CHD6: variants seen among roughly 807,000 people sequenced by gnomAD.
CHD6 encodes the protein chromodomain helicase DNA binding protein 6, also known as ATP-dependent chromatin remodeler CHD6.
Under a neutral mutation model 276.9 loss-of-function variants are expected in CHD6, and 50 were observed. The observed-to-expected ratio is 0.18, with a 90% confidence interval of 0.14 to 0.23. CHD6 has a LOEUF of 0.23. CHD6 is among the 10% of genes least tolerant of loss of function. The pLI is 1.00. For missense variants in CHD6, 2,564 were observed against 3,365.8 expected (o/e 0.76, Z 5.89); for synonymous variants, 1,173 against 1,229.3 (o/e 0.95, Z 0.96).
chr20:41,483,280 T>C, intron 16 of CHD6, 29 bp downstream of exon 16: 1 of 1,568,948 alleles, frequency 6.4e-7, no homozygotes, highest in African/African-American at 1.4e-5. Flanking sequence ...GTCCCATTGT[T>C]GAATGCAGAG....
rs1288186658 is a variant in CHD6 at position 41,413,570 on chromosome 20, T to A, written c.6940-55A>T. The A allele has an allele frequency of 2.2e-6, 3 of 1,358,186 alleles. No individual in the cohort carries two copies. In the African/African-American group the frequency reaches 4.4e-5, roughly 20 times the overall value. The allele number at this position is 1,358,186 out of a possible 1,614,324, so 84.1% of individuals were successfully genotyped here. On this transcript the variant is annotated intron_variant, in intron 34 of 36. Transcript: ENST00000373233. ...TCACGACACAATGAAAATTAGTTTC[T>A]AAAGAAAGAAAACATGTAAGGTGTT...
intron 5 of CHD6, among the ~76,000 whole-genome samples, chr20:41,508,169 A>G (rs1356899099): frequency 6.6e-6 from 1 of 152,172 alleles, no homozygotes; most frequent in East Asian, 1.9e-4. Context: ...AGGACAGCAA[A>G]GAGAAAGGTA....
At position 41,534,631 on chromosome 20, in the gene CHD6, C is replaced by A. The variant is rs56030379; in HGVS notation, c.34-1061G>T. ...ATCAATACAGTCCAGCCTCATAAGC[C>A]TAAATACAAAGGGAATTGGTCATTC... On this transcript the variant is annotated intron_variant, in intron 2 of 36. Transcript: ENST00000373233. 1.0e-2 allele frequency among the ~76,000 whole-genome samples: 1,519 copies of A among 152,036 alleles called. 11 individuals carry two copies. The highest frequency in any genetic ancestry group is 0.019 in the Non-Finnish European group (1,264 of 68,002).
At chr20:41,558,886 T>G (rs2045269649) in intron 1 of CHD6, among the ~76,000 whole-genome samples, 1 of 152,128 alleles carries the variant, frequency 6.6e-6, no homozygotes, top group Admixed American at 6.5e-5. Context: ...TTATTCTAAT[T>G]TCATTTTCCT....
intron 3 of CHD6, among the ~76,000 whole-genome samples, chr20:41,516,195 G>A (rs975825057): frequency 2.0e-5 from 3 of 151,456 alleles, no homozygotes; most frequent in Admixed American, 6.6e-5. Context: ...ACGGAGTCTC[G>A]CGCTGTTGCC....
intron 16 of CHD6, among the ~76,000 whole-genome samples, chr20:41,481,055 T>C (rs1036336926): frequency 1.3e-4 from 19 of 151,638 alleles, no homozygotes; most frequent in Non-Finnish European, 2.1e-4. Flanking sequence ...GAGGCCACAG[T>C]GACCGAGCCA....
At chr20:41,447,303 C>G (rs1447317962) in intron 24 of CHD6, among the ~76,000 whole-genome samples, 2 of 152,160 alleles carry the variant, frequency 1.3e-5, no homozygotes, top group Non-Finnish European at 2.9e-5. Context: ...CAAACTGCAC[C>G]TGGTGATCCC....
At chr20:41,536,222 A>G (rs2044827028) in intron 2 of CHD6, among the ~76,000 whole-genome samples, 1 of 152,240 alleles carries the variant, frequency 6.6e-6, no homozygotes, top group African/African-American at 2.4e-5. Context: ...CAAGGTGCCA[A>G]AAATATTTTA....
rs1330374871 is a variant in CHD6, at chr20:41,423,669, T to C, written c.4378A>G (p.Arg1460Gly). The C allele has an allele frequency of 6.2e-7, 1 of 1,614,104 alleles. No homozygotes were observed. The highest frequency in any genetic ancestry group is 8.5e-7 in the Non-Finnish European group (1 of 1,180,034). ...ACAACACCAAAGGAAGACACTGTTC[T>C]ATAGAAGTCTGCTTGTTCTCTCCTA... ...WTRREQADFY[R>G]TVSSFGVVYD... The change falls in exon 30 of 37, where the codon AGA becomes GGA. Residue 1460 changes from arginine to glycine, a missense_variant. Physicochemically the swap from Arg to Gly is moderately radical, Grantham distance 125. This residue lies in a region of CHD6 where 515 missense variants were observed against 739.5 expected (regional missense o/e 0.70). Coordinates refer to ENST00000373233, the MANE Select transcript of CHD6 (RefSeq NM_032221.5).
rs2048260823 is a variant in CHD6 at position 41,452,238 on chromosome 20, G to C, written c.3324-213C>G. On this transcript the variant is annotated intron_variant, in intron 21 of 36. Coordinates refer to ENST00000373233, the MANE Select transcript of CHD6 (RefSeq NM_032221.5). The surrounding 1 kb of genome is among the most constrained non-coding windows in gnomAD (Gnocchi z 4.2). ...AAGTGACCTGGACGTTGGACACTGA[G>C]AGCTTCATATGGCCACTACAATGTT... is the stretch of plus-strand genomic sequence containing the variant. 6.6e-6 allele frequency among the ~76,000 whole-genome samples: 1 copy of C among 152,190 alleles called. No individual in the cohort carries two copies. The highest frequency in any genetic ancestry group is 1.5e-5 in the Non-Finnish European group (1 of 68,036).
At position 41,452,726 on chromosome 20, in the gene CHD6, G is replaced by A; in HGVS notation, c.3323+14C>T. 1 of 1,610,244 alleles carries A rather than the reference G, an allele frequency of 6.2e-7. No individual in the cohort carries two copies. The highest frequency in any genetic ancestry group is 8.5e-7 in the Non-Finnish European group (1 of 1,178,010). Reference sequence around the variant, plus strand: ...ACAACAATAACAACAAAACTAAGCAGAGCCAATACCCACCCAAAGATGAGC... The same window carrying A: ...ACAACAATAACAACAAAACTAAGCAAAGCCAATACCCACCCAAAGATGAGC... On this transcript the variant is annotated intron_variant, in intron 21 of 36. Coordinates refer to ENST00000373233, the MANE Select transcript of CHD6 (RefSeq NM_032221.5). This position sits in a 1 kb window ranked among gnomAD's most constrained non-coding sequence, Gnocchi z 4.2.
At chr20:41,480,573 G>T (rs776718257) in intron 16 of CHD6, among the ~76,000 whole-genome samples, 4 of 152,136 alleles carry the variant, frequency 2.6e-5, no homozygotes, top group Non-Finnish European at 5.9e-5. Context: ...GAGAGGACAG[G>T]AAGTTGTATA....
intron 2 of CHD6, among the ~76,000 whole-genome samples, chr20:41,533,922 G>A (rs1453313394): frequency 2.0e-5 from 3 of 152,216 alleles, no homozygotes; most frequent in Non-Finnish European, 4.4e-5. Context: ...TACCTGTATA[G>A]GAGGAAGTTT....
chr20:41,462,042 G>T (rs937301489), intron 17 of CHD6: 1 of 152,156 alleles, frequency 6.6e-6, no homozygotes, highest in African/African-American at 2.4e-5. Context: ...ACAACAATCT[G>T]GATACCCTAG....
chr20:41,604,140 C>T (rs1374999132), intron 1 of CHD6, among the ~76,000 whole-genome samples: 2 of 152,108 alleles, frequency 1.3e-5, no homozygotes, highest in Non-Finnish European at 2.9e-5. Context: ...AACAATCCAA[C>T]GAGTGCCCAG....
chr20:41,420,970 C>G lies in CHD6; in HGVS notation c.5665G>C (p.Glu1889Gln), dbSNP rs760523985. 11 of 1,614,110 alleles carry G rather than the reference C, an allele frequency of 6.8e-6. No homozygotes were observed. The highest frequency in any genetic ancestry group is 9.3e-6 in the Non-Finnish European group (11 of 1,180,048). Residue 1889 changes from glutamate (E) to glutamine (Q), a missense_variant, in exon 31 of 37, where the codon GAG becomes CAG. This residue lies in a region of CHD6 where 1,024 missense variants were observed against 1,047.9 expected (regional missense o/e 0.98). Transcript: ENST00000373233. ...GTGGGCTCCGTGAGATGCAATACCT[C>G]TGGCCTTTCCCCCATGCCTACTGCC... The part of the protein sequence containing the change: ...AMAVGMGERP[E>Q]VLHLTEPTTN...
At chr20:41,512,338 T>C (rs1276986929) in intron 5 of CHD6, among the ~76,000 whole-genome samples, 1 of 152,002 alleles carries the variant, frequency 6.6e-6, no homozygotes. Flanking sequence ...GCAATTTGTG[T>C]TGTGGTAAGT....
chr20:41,419,174 T>C (rs1192718809), intron 31 of CHD6, among the ~76,000 whole-genome samples: 2 of 152,152 alleles, frequency 1.3e-5, no homozygotes, highest in African/African-American at 4.8e-5. Flanking sequence ...TACTTTCAAT[T>C]TGGCTTCTCG....
At chr20:41,426,834 C>T (rs940087379) in intron 27 of CHD6, among the ~76,000 whole-genome samples, 1 of 152,164 alleles carries the variant, frequency 6.6e-6, no homozygotes, top group Non-Finnish European at 1.5e-5. Flanking sequence ...TTAAAAACTC[C>T]TCATATGTAA....
Sources: allele counts gnomAD v4.1 joint callset (sites outside exome capture counted in the v4.1 genomes callset), GRCh38; gene constraint gnomAD v4.1.1; regional missense constraint gnomAD v4.1.1; non-coding constraint Gnocchi (gnomAD v3.1); transcripts MANE v1.5; gene names NCBI Gene and HGNC (gene_info 2026-07-23, HGNC 2026-07-21).